Variants in OTUD7A observed in about 807,000 individuals in gnomAD.
OTUD7A encodes OTU domain-containing protein 7A.
A neutral mutation model predicts 65.7 loss-of-function variants in OTUD7A; 12 were observed. The ratio of observed to expected loss-of-function variants is 0.18; its 90% CI spans 0.12 to 0.30. OTUD7A has a LOEUF of 0.30. Ranked by LOEUF, OTUD7A falls within the 10% of genes least tolerant of loss-of-function variation. The probability of loss-of-function intolerance (pLI) is 1.00; values close to 1 mark genes in which losing one functional copy is unlikely to be tolerated. For missense variants in OTUD7A, 1,148 were observed against 1,304.8 expected (o/e 0.88, Z 1.85); for synonymous variants, 641 against 586.3 (o/e 1.09, Z -1.35).
intron 1 of OTUD7A, among the ~76,000 whole-genome samples, chr15:31,801,161 T>A (rs1896114954): frequency 6.6e-6 from 1 of 151,302 alleles, no homozygotes; most frequent in Non-Finnish European, 1.5e-5. Flanking sequence ...GAACAATCAC[T>A]AGCACATTCA....
rs147994243 is a variant in OTUD7A at position 31,598,829 on chromosome 15, G to A, written c.152-28632C>T. Among the ~76,000 whole-genome samples, 808 of 152,262 alleles carry A rather than the reference G, an allele frequency of 5.3e-3. 9 individuals carry two copies. Among genetic ancestry groups the A allele is most frequent in the African/African-American group, 0.019 (772 of 41,534 alleles). On this transcript the variant is annotated intron_variant, in intron 3 of 12. Coordinates refer to ENST00000307050, the MANE Select transcript of OTUD7A (RefSeq NM_001382637.1). Reference sequence around the variant, plus strand: ...ACTTGAGCTTGGTAGGGGGAGGGGCGTCTGCCATTGCTGAGGCTTGAGTAG... The same window carrying A: ...ACTTGAGCTTGGTAGGGGGAGGGGCATCTGCCATTGCTGAGGCTTGAGTAG...
chr15:31,757,022 G>T (rs138183290), intron 1 of OTUD7A, among the ~76,000 whole-genome samples: 1 of 152,248 alleles, frequency 6.6e-6, no homozygotes, highest in African/African-American at 2.4e-5. Context: ...AATGCCACTG[G>T]ACTGAGCAGG....
At chr15:31,755,197 G>A (rs977625758) in intron 1 of OTUD7A, among the ~76,000 whole-genome samples, 4 of 151,368 alleles carry the variant, frequency 2.6e-5, no homozygotes, top group African/African-American at 4.9e-5. Context: ...GGAAGGAGGA[G>A]GAATGGAAGG....
At chr15:31,808,480 C>T (rs1009173777) in intron 1 of OTUD7A, among the ~76,000 whole-genome samples, 3 of 152,194 alleles carry the variant, frequency 2.0e-5, no homozygotes, top group Non-Finnish European at 2.9e-5. Flanking sequence ...CCAGCATGAG[C>T]TTGAGTTGTA....
At chr15:31,533,390 C>A (rs1248392076) in intron 5 of OTUD7A, among the ~76,000 whole-genome samples, 1 of 152,042 alleles carries the variant, frequency 6.6e-6, no homozygotes, top group Non-Finnish European at 1.5e-5. Flanking sequence ...CATGCACCAC[C>A]AAACTTGGCT....
chr15:31,559,877 C>A (rs112143787), intron 4 of OTUD7A, among the ~76,000 whole-genome samples: 1 of 152,378 alleles, frequency 6.6e-6, no homozygotes, highest in African/African-American at 2.4e-5. Flanking sequence ...CTCTCTGCAA[C>A]AGCCCTTATA....
intron 8 of OTUD7A, among the ~76,000 whole-genome samples, chr15:31,523,155 G>A (rs761557276): frequency 6.6e-6 from 1 of 152,248 alleles, no homozygotes; most frequent in Non-Finnish European, 1.5e-5. Context: ...TTCCTGTGCA[G>A]GGGGCTATCA....
intron 1 of OTUD7A, among the ~76,000 whole-genome samples, chr15:31,858,421 G>C (rs941123734): frequency 6.6e-6 from 1 of 152,170 alleles, no homozygotes; most frequent in African/African-American, 2.4e-5. Context: ...GAAAATTGGG[G>C]CCAGAGGAAG....
Position 31,577,248 on chromosome 15 carries a change from C to T in OTUD7A, c.152-7051G>A, listed in dbSNP as rs544188452. On this transcript the variant is annotated intron_variant, in intron 3 of 12. Coordinates refer to ENST00000307050, the MANE Select transcript of OTUD7A (RefSeq NM_001382637.1). ...GGAAAGATTAACTAAGAGTCTGACA[C>T]GTTGTAAGGTCTGAAACATTTGCGA... is the stretch of plus-strand genomic sequence containing the variant. Among the ~76,000 whole-genome samples, 4 of 152,276 alleles carry T rather than the reference C, an allele frequency of 2.6e-5. No individual in the cohort carries two copies. In the East Asian group the frequency reaches 7.7e-4, roughly 29 times the overall value.
At chr15:31,664,135 G>A (rs1168988548) in intron 1 of OTUD7A, among the ~76,000 whole-genome samples, 1 of 152,208 alleles carries the variant, frequency 6.6e-6, no homozygotes, top group Non-Finnish European at 1.5e-5. Context: ...ACAAACATGC[G>A]TGTGCAAGTA....
At chr15:31,829,379 G>C (rs1351413903) in intron 1 of OTUD7A, among the ~76,000 whole-genome samples, 3 of 152,202 alleles carry the variant, frequency 2.0e-5, no homozygotes, top group African/African-American at 4.8e-5. Flanking sequence ...GTTTTGTTCT[G>C]GAAGTCACAC....
chr15:31,780,243 CA>C (rs1446313424), intron 1 of OTUD7A, among the ~76,000 whole-genome samples: 2 of 152,132 alleles, frequency 1.3e-5, no homozygotes, highest in Non-Finnish European at 2.9e-5. Context: ...GTAACACACA[CA>C]ATAAACATTT....
chr15:31,717,287 AG>A (rs1893616141), intron 1 of OTUD7A, among the ~76,000 whole-genome samples: 1 of 152,190 alleles, frequency 6.6e-6, no homozygotes, highest in Non-Finnish European at 1.5e-5. Flanking sequence ...CATGTGCAGA[AG>A]GTGCAGGTTT....
chr15:31,851,750 C>A (rs764022278), intron 1 of OTUD7A, among the ~76,000 whole-genome samples: 1 of 152,214 alleles, frequency 6.6e-6, no homozygotes, highest in African/African-American at 2.4e-5. Context: ...AGTTACACAT[C>A]CCCATGATTG....
At chr15:31,659,005 C>A (rs894261633) in intron 1 of OTUD7A, among the ~76,000 whole-genome samples, 3 of 149,524 alleles carry the variant, frequency 2.0e-5, no homozygotes, top group African/African-American at 7.4e-5. Flanking sequence ...GCACTCCAGC[C>A]TGGGCATGAA....
chr15:31,666,345 G>A (rs965329790), intron 1 of OTUD7A, among the ~76,000 whole-genome samples: 1 of 152,088 alleles, frequency 6.6e-6, no homozygotes, highest in Non-Finnish European at 1.5e-5. Context: ...ATTTAAGCTA[G>A]GAGGATTGTA....
At chr15:31,738,990 T>C (rs923199399) in intron 1 of OTUD7A, among the ~76,000 whole-genome samples, 12 of 152,300 alleles carry the variant, frequency 7.9e-5, no homozygotes, top group Admixed American at 6.5e-4. Context: ...CTGGACCTGC[T>C]GGGGAAGGGG....
At chr15:31,561,700 T>C (rs753648222) in intron 4 of OTUD7A, among the ~76,000 whole-genome samples, 1 of 152,078 alleles carries the variant, frequency 6.6e-6, no homozygotes, top group Admixed American at 6.6e-5. Flanking sequence ...TCATATAAAA[T>C]GAGAAATATA....
At chr15:31,531,303 GT>G (rs953814270) in intron 5 of OTUD7A, among the ~76,000 whole-genome samples, 1 of 151,974 alleles carries the variant, frequency 6.6e-6, no homozygotes, top group African/African-American at 2.4e-5. Flanking sequence ...TAGATCAGAT[GT>G]ACTTTTTCCT....
Sources: gnomAD v4.1 joint callset for allele counts (sites outside exome capture counted in the v4.1 genomes callset) on GRCh38, gnomAD v4.1.1 for gene constraint, MANE v1.5 for transcripts, NCBI Gene and HGNC (gene_info 2026-07-23, HGNC 2026-07-21) for gene names.